Variants in OXSR1 observed in about 807,000 individuals in gnomAD.
OXSR1 encodes the protein serine/threonine-protein kinase OSR1.
Under a neutral mutation model 79.8 loss-of-function variants are expected in OXSR1, and 24 were observed. The ratio of observed to expected loss-of-function variants is 0.30; its 90% CI spans 0.22 to 0.42. The LOEUF (loss-of-function observed/expected upper bound fraction) is 0.42, where lower values mean the gene tolerates loss of function less well. OXSR1 is among the 10% of genes least tolerant of loss of function. The pLI is 1.00. For synonymous variants in OXSR1, 226 were observed against 209.2 expected (o/e 1.08, Z -0.69); for missense variants, 430 against 618.4 (o/e 0.70, Z 3.23).
At chr3:38,208,002 T>C (rs1169486512) in intron 4 of OXSR1, among the ~76,000 whole-genome samples, 3 of 149,792 alleles carry the variant, frequency 2.0e-5, no homozygotes, top group Admixed American at 6.7e-5. Context: ...ATTAGTAGTC[T>C]GTGGCACTTT....
chr3:38,168,619 T>A (rs556354551), intron 1 of OXSR1, among the ~76,000 whole-genome samples: 2 of 152,354 alleles, frequency 1.3e-5, no homozygotes, highest in South Asian at 4.1e-4. Context: ...CAATCCAATT[T>A]TAGAACATTT....
At chr3:38,208,985 T>TGTGCGC (rs1019752484) in intron 4 of OXSR1, among the ~76,000 whole-genome samples, 3 of 128,132 alleles carry the variant, frequency 2.3e-5, no homozygotes, top group East Asian at 2.2e-4. Flanking sequence ...TGTGTGTGTG[T>TGTGCGC]GCGCGCGCGC....
At chr3:38,220,751 G>T (rs1186053956) in intron 5 of OXSR1, among the ~76,000 whole-genome samples, 1 of 152,132 alleles carries the variant, frequency 6.6e-6, no homozygotes, top group Admixed American at 6.6e-5. Context: ...ATTTCTAGGA[G>T]ACTAATATAG....
At chr3:38,224,725 T>C in intron 8 of OXSR1, 21 bp downstream of exon 8, 3 of 1,478,064 alleles carry the variant, frequency 2.0e-6, no homozygotes, top group South Asian at 1.2e-5. Context: ...AGAAAAAGTC[T>C]ACTTTTCTCT....
intron 11 of OXSR1, among the ~76,000 whole-genome samples, chr3:38,241,506 A>T (rs1428191658): frequency 6.6e-6 from 1 of 152,054 alleles, no homozygotes. Flanking sequence ...GTGAAGTTAT[A>T]TAAGAAAATA....
At chr3:38,176,293 T>C (rs1701674866) in intron 1 of OXSR1, among the ~76,000 whole-genome samples, 1 of 152,206 alleles carries the variant, frequency 6.6e-6, no homozygotes, top group Admixed American at 6.5e-5. Flanking sequence ...ATTTTTTATT[T>C]GTATCTCTAA....
At chr3:38,215,685 T>A (rs779337493) in intron 4 of OXSR1, among the ~76,000 whole-genome samples, 7 of 152,330 alleles carry the variant, frequency 4.6e-5, no homozygotes, top group Middle Eastern at 3.4e-3. Context: ...ACTATAGAGA[T>A]GCCTGAGTAA....
intron 14 of OXSR1, 130 bp downstream of exon 14, chr3:38,247,862 G>T: frequency 1.7e-6 from 1 of 584,922 alleles, no homozygotes; most frequent in East Asian, 2.8e-5. Context: ...TTGCTTGGTG[G>T]TGTATTATTT....
intron 1 of OXSR1, among the ~76,000 whole-genome samples, chr3:38,181,078 A>G (rs1284031782): frequency 1.3e-5 from 2 of 149,474 alleles, no homozygotes; most frequent in Admixed American, 1.3e-4. Flanking sequence ...TGGATTTTAG[A>G]TCTTTTATCA....
chr3:38,230,408 C>A lies in OXSR1; in HGVS notation c.929C>A (p.Thr310Asn). 1.2e-6 allele frequency: 2 copies of A among 1,602,070 alleles called. No individual in the cohort carries two copies. The highest frequency in any genetic ancestry group is 1.7e-6 in the Non-Finnish European group (2 of 1,170,304). ...GAAAAAACATTGCAGAGAGCACCAA[C>A]CATTTCTGAAAGAGCAAAAAAGGTA... is the stretch of plus-strand genomic sequence containing the variant. The part of the protein sequence containing the change: ...LQEKTLQRAP[T>N]ISERAKKVRR... The change falls in exon 10 of 18, where the codon ACC (threonine) becomes AAC (asparagine). Residue 310 changes from threonine to asparagine, a missense_variant. Around this residue, in one of 3 missense-constraint regions of OXSR1, gnomAD observed 276 missense variants for 354.2 expected, o/e 0.78. Coordinates refer to ENST00000311806, the MANE Select transcript of OXSR1 (RefSeq NM_005109.3).
intron 4 of OXSR1, 71 bp from the exon 5 acceptor site, chr3:38,216,025 C>A: frequency 1.1e-6 from 1 of 903,512 alleles, no homozygotes; most frequent in Non-Finnish European, 1.7e-6. Context: ...ATATAGTAAA[C>A]AATTGCTTAA....
rs540649162 is a variant in OXSR1 at position 38,244,181 on chromosome 3, T to C, written c.1110+1403T>C. 3.3e-5 allele frequency among the ~76,000 whole-genome samples: 5 copies of C among 152,344 alleles called. 1 individual carries two copies. The East Asian group carries it at 9.6e-4, about 29-fold the overall frequency. On this transcript the variant is annotated intron_variant, in intron 12 of 17. Coordinates refer to ENST00000311806, the MANE Select transcript of OXSR1 (RefSeq NM_005109.3). ...TTACAGATTATCTAGTTTTTATTTTTAGTCTTCTCCTTGTTCCTTTGCCTA... is the reference window on the plus strand; with the variant it reads ...TTACAGATTATCTAGTTTTTATTTTCAGTCTTCTCCTTGTTCCTTTGCCTA...
chr3:38,254,100 T>C lies in OXSR1; in HGVS notation c.*1209T>C. The C allele has an allele frequency of 2.5e-6, 1 of 398,510 alleles. No homozygotes were observed. The highest frequency in any genetic ancestry group is 3.6e-5 in the East Asian group (1 of 28,070). 24.7% of individuals were successfully genotyped at this position (398,510 alleles called of 1,614,324 possible). On this transcript the variant is annotated 3_prime_UTR_variant, in exon 18 of 18. Coordinates refer to ENST00000311806, the MANE Select transcript of OXSR1 (RefSeq NM_005109.3). ...TTTCTTTTTTCCTACCGTTTCATAG[T>C]CTTTGTCTAACTGCTAGTAACCCTA...
chr3:38,249,388 C>T (rs760286588), intron 14 of OXSR1, among the ~76,000 whole-genome samples: 1 of 152,106 alleles, frequency 6.6e-6, no homozygotes, highest in Non-Finnish European at 1.5e-5. Flanking sequence ...AATTCCTTTC[C>T]CTATCCTCTC....
intron 5 of OXSR1, among the ~76,000 whole-genome samples, chr3:38,220,693 T>C (rs1702571751): frequency 6.6e-6 from 1 of 152,216 alleles, no homozygotes; most frequent in Non-Finnish European, 1.5e-5. Flanking sequence ...TTAGCATGGC[T>C]CAGCTCCAGT....
At chr3:38,199,985 G>A (rs965928579) in intron 4 of OXSR1, among the ~76,000 whole-genome samples, 4 of 152,218 alleles carry the variant, frequency 2.6e-5, no homozygotes, top group Admixed American at 6.5e-5. Flanking sequence ...GGGGAGTGGG[G>A]AAACACTGGA....
chr3:38,181,516 C>A (rs916235906), intron 1 of OXSR1, among the ~76,000 whole-genome samples: 1 of 151,864 alleles, frequency 6.6e-6, no homozygotes, highest in Admixed American at 6.6e-5. Context: ...CCACCACACC[C>A]AGCTAATTTT....
At chr3:38,196,244 C>A (rs1014862979) in intron 3 of OXSR1, among the ~76,000 whole-genome samples, 3 of 152,196 alleles carry the variant, frequency 2.0e-5, no homozygotes, top group African/African-American at 7.2e-5. Context: ...CAGTGATAAT[C>A]TACTTCTTCC....
At chr3:38,200,091 C>G (rs1182888471) in intron 4 of OXSR1, among the ~76,000 whole-genome samples, 1 of 152,194 alleles carries the variant, frequency 6.6e-6, no homozygotes, top group Non-Finnish European at 1.5e-5. Flanking sequence ...ACCGGCTGTA[C>G]TGCATATGGG....
Sources: allele counts gnomAD v4.1 joint callset (sites outside exome capture counted in the v4.1 genomes callset), GRCh38; gene constraint gnomAD v4.1.1; regional missense constraint gnomAD v4.1.1; transcripts MANE v1.5; gene names NCBI Gene and HGNC (gene_info 2026-07-23, HGNC 2026-07-21).